Variants in TUSC3 observed in about 807,000 individuals in gnomAD.
TUSC3 encodes tumor suppressor candidate 3.
TUSC3 carries 45 observed loss-of-function variants against 44.8 expected under a neutral mutation model. That is an observed-to-expected ratio of 1.00 (90% CI 0.79 to 1.29). The LOEUF (loss-of-function observed/expected upper bound fraction) is 1.29, where lower values mean the gene tolerates loss of function less well. Ranked by LOEUF, TUSC3 falls within the 50% of genes most tolerant of loss-of-function variation. The probability of loss-of-function intolerance (pLI) is 0.00; values close to 1 mark genes in which losing one functional copy is unlikely to be tolerated. For synonymous variants in TUSC3, 212 were observed against 152.9 expected, an observed-to-expected ratio of 1.39 and a Z score of -2.85; for missense variants, 519 against 437.9, an observed-to-expected ratio of 1.19 and a Z score of -1.65.
chr8:15,694,314 C>G (rs796548696), intron 6 of TUSC3, among the ~76,000 whole-genome samples: 1 of 151,464 alleles, frequency 6.6e-6, no homozygotes, highest in African/African-American at 2.4e-5. Context: ...TGGTGGCGTG[C>G]GCCGTTAATC....
At chr8:15,494,341 A>C (rs1800850706) in intron 2 of TUSC3, among the ~76,000 whole-genome samples, 1 of 137,136 alleles carries the variant, frequency 7.3e-6, no homozygotes, top group Non-Finnish European at 1.6e-5. Flanking sequence ...TTTTTGAGAC[A>C]GAGTCTCGCT....
chr8:15,802,504 C>T, the TUSC3 span, among the ~76,000 whole-genome samples: 1 of 152,130 alleles, frequency 6.6e-6, no homozygotes, highest in Non-Finnish European at 1.5e-5. Context: ...TCACTGCAAC[C>T]TCTGCCTCCC....
At chr8:15,525,813 C>A (rs1325968785) in intron 2 of TUSC3, among the ~76,000 whole-genome samples, 1 of 152,008 alleles carries the variant, frequency 6.6e-6, no homozygotes, top group Non-Finnish European at 1.5e-5. Flanking sequence ...GACACAGGTG[C>A]AAAAGTGTGT....
chr8:15,632,155 T>C (rs1805800632), intron 2 of TUSC3, among the ~76,000 whole-genome samples: 1 of 152,324 alleles, frequency 6.6e-6, no homozygotes, highest in African/African-American at 2.4e-5. Flanking sequence ...CCCCATGCCA[T>C]GTGAGATCCA....
chr8:15,427,350 G>C (rs1377546902), intron 1 of TUSC3, among the ~76,000 whole-genome samples: 1 of 151,832 alleles, frequency 6.6e-6, no homozygotes, highest in Non-Finnish European at 1.5e-5. Flanking sequence ...GCAGCCATCA[G>C]GTGATGGACA....
chr8:15,605,529 A>G (rs1345003083), intron 1 of TUSC3, among the ~76,000 whole-genome samples: 1 of 151,926 alleles, frequency 6.6e-6, no homozygotes, highest in Non-Finnish European at 1.5e-5. Flanking sequence ...TTTTTTTCAA[A>G]TCAATATATT....
At chr8:15,827,741 C>A in the TUSC3 span, among the ~76,000 whole-genome samples, 1 of 152,032 alleles carries the variant, frequency 6.6e-6, no homozygotes, top group African/African-American at 2.4e-5. Context: ...CCAGAAAAAG[C>A]CATACCCTGA....
upstream of TUSC3, among the ~76,000 whole-genome samples, chr8:15,535,867 C>T (rs1801515038): frequency 6.6e-6 from 1 of 152,128 alleles, no homozygotes; most frequent in African/African-American, 2.4e-5. Context: ...TGATGAAATA[C>T]ACCTCGTGAA....
At chr8:15,848,173 A>T in the TUSC3 span, among the ~76,000 whole-genome samples, 1 of 152,084 alleles carries the variant, frequency 6.6e-6, no homozygotes, top group Admixed American at 6.6e-5. Context: ...AACCACAAGC[A>T]TGCAACTTAC....
chr8:15,697,519 C>A (rs191778248), intron 6 of TUSC3, among the ~76,000 whole-genome samples: 1 of 152,250 alleles, frequency 6.6e-6, no homozygotes, highest in Admixed American at 6.5e-5. Context: ...GGGTCTAGTT[C>A]GCTATCTTGC....
intron 2 of TUSC3, among the ~76,000 whole-genome samples, chr8:15,529,229 A>C: frequency 6.6e-6 from 1 of 152,330 alleles, no homozygotes; most frequent in Admixed American, 6.5e-5. Flanking sequence ...TCTTTTACTA[A>C]GCAATTCCCT....
chr8:15,628,603 C>T (rs1161134088), intron 2 of TUSC3, among the ~76,000 whole-genome samples: 1 of 152,022 alleles, frequency 6.6e-6, no homozygotes, highest in South Asian at 2.1e-4. Context: ...TTGTGCAAAG[C>T]AGTATAGAGA....
rs1802383505 is a variant in TUSC3 at position 15,559,637 on chromosome 8, T to C, written c.138+19069T>C. Among the ~76,000 whole-genome samples, 2 of 139,062 alleles carry C rather than the reference T, an allele frequency of 1.4e-5. 1 individual carries two copies. The highest frequency in any genetic ancestry group is 5.1e-4 in the South Asian group (2 of 3,922). The allele number at this position is 139,062 out of a possible 152,430, so 91.2% of individuals were successfully genotyped here. On this transcript the variant is annotated intron_variant, in intron 1 of 10. Coordinates refer to ENST00000503731, the MANE Select transcript of TUSC3 (RefSeq NM_006765.4). ...CTCCCATTATTAATGTGTGGGAGTC[T>C]AATTCTCTTTGTAGGTCACTCAGGA...
chr8:15,439,541 A>T (rs1247806183), intron 1 of TUSC3, among the ~76,000 whole-genome samples: 2 of 152,342 alleles, frequency 1.3e-5, no homozygotes, highest in East Asian at 3.9e-4. Context: ...TGGGTGACAG[A>T]GCAAGACCCT....
chr8:15,640,530 A>G (rs1806317133), intron 2 of TUSC3, among the ~76,000 whole-genome samples: 2 of 152,216 alleles, frequency 1.3e-5, no homozygotes, highest in Non-Finnish European at 2.9e-5. Flanking sequence ...AAGAAGTTAT[A>G]TATTTAATAT....
intron 1 of TUSC3, among the ~76,000 whole-genome samples, chr8:15,576,462 T>TCCCCCCA (rs1230612375): frequency 6.0e-5 from 3 of 50,188 alleles, no homozygotes; most frequent in Non-Finnish European, 1.1e-4. Flanking sequence ...CCTCCCCCCC[T>TCCCCCCA]CCCCCCACCC....
At chr8:15,813,215 C>T in the TUSC3 span, among the ~76,000 whole-genome samples, 8 of 152,148 alleles carry the variant, frequency 5.3e-5, no homozygotes, top group Non-Finnish European at 4.4e-5. Context: ...GATGTAGACA[C>T]TGTGTAATCA....
intron 10 of TUSC3, among the ~76,000 whole-genome samples, chr8:15,760,670 C>G (rs1235235671): frequency 6.6e-6 from 1 of 152,130 alleles, no homozygotes; most frequent in East Asian, 1.9e-4. Flanking sequence ...GAAACGCAGC[C>G]AGGTTTGTTT....
rs143386674 is a variant in TUSC3 at position 15,479,046 on chromosome 8, T to C, written n.92-4340T>C. Among the ~76,000 whole-genome samples, 488 of 152,350 alleles carry C rather than the reference T, an allele frequency of 3.2e-3. 5 individuals carry two copies. The highest frequency in any genetic ancestry group is 6.8e-3 in the Middle Eastern group (2 of 294). ...TCTAATAATTAGTGATGTTGAACTT[T>C]TGTTCATATGTTTGTTGGCCTCATA... On this transcript the variant is annotated intron_variant and non_coding_transcript_variant, in intron 1 of 5. Coordinates refer to the TUSC3 transcript ENST00000503191.
Sources: gnomAD v4.1 joint callset for allele counts (sites outside exome capture counted in the v4.1 genomes callset) on GRCh38, gnomAD v4.1.1 for gene constraint, MANE v1.5 for transcripts, NCBI Gene and HGNC (gene_info 2026-07-23, HGNC 2026-07-21) for gene names.